TSNAXIP1: variants seen among roughly 807,000 people sequenced by gnomAD.
The protein encoded by TSNAXIP1 is translin associated factor X interacting protein 1.
Under a neutral mutation model 84.8 loss-of-function variants are expected in TSNAXIP1, and 89 were observed. That is an observed-to-expected ratio of 1.05 (90% confidence interval 0.88 to 1.25). TSNAXIP1 has a LOEUF of 1.25. Among genes scored for constraint, TSNAXIP1 ranks in the 50% most tolerant of loss-of-function variants. The pLI, the probability that TSNAXIP1 is intolerant of heterozygous loss-of-function variation, is 0.00. For synonymous variants in TSNAXIP1, 347 were observed against 335.2 expected (o/e 1.04, Z -0.39); for missense variants, 874 against 887.6 (o/e 0.98, Z 0.20).
At chr16:67,811,436 CTTT>C (rs1190285857) in intron 1 of TSNAXIP1, among the ~76,000 whole-genome samples, 3 of 101,978 alleles carry the variant, frequency 2.9e-5, no homozygotes, top group African/African-American at 8.8e-5. Flanking sequence ...ATTGATTAGT[CTTT>C]TTTTTTTTTT....
rs3833058 is a variant in TSNAXIP1, at chr16:67,807,053, C to CGGGGGG, written c.-95_-90dup. ...CGCATCCCTGACTCCGCCCCCGCCG[C>CGGGGGG]GGGGGGGCCTCTGGGGCCTGGTCGC... is the stretch of plus-strand genomic sequence containing the variant. On this transcript the variant is annotated 5_prime_UTR_variant, in exon 1 of 16. Transcript: ENST00000561639. The CGGGGGG allele has an allele frequency of 5.3e-5, 79 of 1,487,082 alleles. No individual in the cohort carries two copies. In the African/African-American group the frequency reaches 1.0e-3, roughly 19 times the overall value. 92.1% of individuals were successfully genotyped at this position (1,487,082 alleles called of 1,614,324 possible).
In TSNAXIP1 at chr16:67,819,815, ATTTTTT is replaced by A. The variant is rs1162375778; in HGVS notation, c.148-1007_148-1002del. On this transcript the variant is annotated intron_variant, in intron 2 of 15. Coordinates refer to ENST00000561639, the MANE Select transcript of TSNAXIP1 (RefSeq NM_001288990.3). ...AGCACATGCCACCACACCTGGCTAA[ATTTTTT>A]TTTTTTTTTTTTTTTTGAGACTGAG... 6.8e-5 allele frequency among the ~76,000 whole-genome samples: 7 copies of A among 102,638 alleles called. No individual in the cohort carries two copies. The South Asian group carries it at 1.3e-3, about 19-fold the overall frequency. The allele number at this position is 102,638 out of a possible 152,430, so 67.3% of individuals were successfully genotyped here. A position where few individuals can be genotyped will look rare whatever the true frequency, so the allele number is the denominator to read the frequency against.
intron 5 of TSNAXIP1, 32 bp downstream of exon 5, chr16:67,823,751 C>A: frequency 6.4e-7 from 1 of 1,572,396 alleles, no homozygotes; most frequent in Non-Finnish European, 8.7e-7. Context: ...GGCGTAGTGG[C>A]TCACGCCTGT....
intron 8 of TSNAXIP1, 26 bp from the exon 9 acceptor site, chr16:67,825,891 G>A (rs2057402314): frequency 1.2e-6 from 2 of 1,613,904 alleles, no homozygotes; most frequent in South Asian, 1.1e-5. Flanking sequence ...CAGGTGGGGG[G>A]CCAGGGCCAA....
intron 2 of TSNAXIP1, among the ~76,000 whole-genome samples, chr16:67,815,516 G>A (rs2056467386): frequency 6.6e-6 from 1 of 151,822 alleles, no homozygotes; most frequent in African/African-American, 2.4e-5. Flanking sequence ...TTTTGGCAGG[G>A]GGGGACAGAG....
chr16:67,817,677 A>C (rs1345737516), intron 2 of TSNAXIP1, among the ~76,000 whole-genome samples: 1 of 146,360 alleles, frequency 6.8e-6, no homozygotes, highest in Non-Finnish European at 1.5e-5. Flanking sequence ...GGATCACCTG[A>C]GGTCAGGGGT....
chr16:67,816,832 TAGC>T (rs2056593311), intron 2 of TSNAXIP1, among the ~76,000 whole-genome samples: 1 of 151,930 alleles, frequency 6.6e-6, no homozygotes, highest in Non-Finnish European at 1.5e-5. Flanking sequence ...GTTAATAACC[TAGC>T]CGAGACCCGG....
chr16:67,825,366 G>A, intron 7 of TSNAXIP1, 94 bp downstream of exon 7: 3 of 1,528,978 alleles, frequency 2.0e-6, no homozygotes, highest in Non-Finnish European at 2.7e-6. Flanking sequence ...GCATTCCTAA[G>A]ACCTGCTCAT....
rs2057535203 is a variant in TSNAXIP1 at position 67,827,301 on chromosome 16, C to A, written c.1717C>A (p.Leu573Met). 6.2e-7 allele frequency: 1 copy of A among 1,614,104 alleles called. No individual in the cohort carries two copies. The highest frequency in any genetic ancestry group is 8.5e-7 in the Non-Finnish European group (1 of 1,180,046). Residue 573 changes from leucine to methionine, a missense_variant, in exon 14 of 16, where the codon CTG (leucine) becomes ATG (methionine). By Grantham distance (15) the Leu-to-Met change is conservative. Coordinates refer to ENST00000561639, the MANE Select transcript of TSNAXIP1 (RefSeq NM_001288990.3). ...CAAGACAGAAGAGCAAATCCAGGAG[C>A]TGATGGAGGCAGGGGGCTGGCATCC... ...PLKTEEQIQE[L>M]MEAGGWHPSS...
At position 67,827,350 on chromosome 16, in the gene TSNAXIP1, T is replaced by C; in HGVS notation, c.1766T>C (p.Leu589Pro). ...CCCAGCAGCAGCAATGCAGACTTGC[T>C]CAACTACCGCTCACTGTTTATGGAG... is the stretch of plus-strand genomic sequence containing the variant. ...WHPSSSNADL[L>P]NYRSLFMEDE... Residue 589 changes from leucine (L) to proline (P), a missense_variant, in exon 14 of 16, where the codon CTC (leucine) becomes CCC (proline). Coordinates refer to ENST00000561639, the MANE Select transcript of TSNAXIP1 (RefSeq NM_001288990.3). 1 of 1,614,168 alleles carries C rather than the reference T, an allele frequency of 6.2e-7. No homozygotes were observed. The highest frequency in any genetic ancestry group is 1.1e-5 in the South Asian group (1 of 91,082).
chr16:67,824,862 C>T, intron 6 of TSNAXIP1, 83 bp downstream of exon 6: 1 of 1,437,792 alleles, frequency 7.0e-7, no homozygotes, highest in Non-Finnish European at 9.5e-7. Flanking sequence ...CCCTGCTCTG[C>T]CTTTCTACGG....
intron 1 of TSNAXIP1, among the ~76,000 whole-genome samples, chr16:67,808,351 G>A (rs1036619190): frequency 6.6e-6 from 1 of 151,988 alleles, no homozygotes; most frequent in Non-Finnish European, 1.5e-5. Flanking sequence ...CCGAGGCGGG[G>A]GGATCACTAG....
At chr16:67,825,556 G>A (rs773081891) in intron 7 of TSNAXIP1, 111 bp from the exon 8 acceptor site, 94 of 1,415,870 alleles carry the variant, frequency 6.6e-5, no homozygotes, top group Non-Finnish European at 7.5e-5. Context: ...CCCTAGGCTG[G>A]TAGTGCTGTG....
At chr16:67,814,506 G>GA in intron 2 of TSNAXIP1, 105 bp downstream of exon 2, 2 of 914,986 alleles carry the variant, frequency 2.2e-6, no homozygotes, top group Non-Finnish European at 3.4e-6. Context: ...ATGCCCACCT[G>GA]AAACATGCCC....
chr16:67,813,497 G>A (rs2056279093), intron 1 of TSNAXIP1, among the ~76,000 whole-genome samples: 1 of 151,356 alleles, frequency 6.6e-6, no homozygotes, highest in African/African-American at 2.4e-5. Flanking sequence ...CATTTTGGGA[G>A]GCCAAGGCAG....
At position 67,820,889 on chromosome 16, in the gene TSNAXIP1, C is replaced by T. The variant is rs1309238091; in HGVS notation, c.198C>T (p.Thr66=). ...GGHLSPWPTY[T]SGQTILQNRK... ...ACCTGTCCCCATGGCCCACATACAC[C>T]AGTGGCCAGACCATTTTGCAAAATC... The change falls in exon 3 of 16, where the codon ACC becomes ACT. Residue 66 remains threonine, a synonymous_variant. Coordinates refer to ENST00000561639, the MANE Select transcript of TSNAXIP1 (RefSeq NM_001288990.3). 6.2e-7 allele frequency: 1 copy of T among 1,602,316 alleles called. No individual in the cohort carries two copies. The highest frequency in any genetic ancestry group is 8.5e-7 in the Non-Finnish European group (1 of 1,174,286).
At chr16:67,815,186 C>T (rs1414527021) in intron 2 of TSNAXIP1, among the ~76,000 whole-genome samples, 1 of 151,786 alleles carries the variant, frequency 6.6e-6, no homozygotes, top group Admixed American at 6.6e-5. Context: ...CATGGTGGTG[C>T]ATCTGTAGTC....
At position 67,807,046 on chromosome 16, in the gene TSNAXIP1, C is replaced by T; in HGVS notation, c.-104C>T. On this transcript the variant is annotated 5_prime_UTR_variant, in exon 1 of 16. Transcript: ENST00000561639. ...GGCGTGGCGCATCCCTGACTCCGCC[C>T]CCGCCGCGGGGGGGCCTCTGGGGCC... is the stretch of plus-strand genomic sequence containing the variant. The T allele has an allele frequency of 6.7e-7, 1 of 1,482,268 alleles. No individual in the cohort carries two copies. Among genetic ancestry groups the T allele is most frequent in the Non-Finnish European group, 8.9e-7 (1 of 1,120,040 alleles). The allele number at this position is 1,482,268 out of a possible 1,614,324, so 91.8% of individuals were successfully genotyped here.
At position 67,827,949 on chromosome 16, in the gene TSNAXIP1, G is replaced by A. The variant is rs773929271; in HGVS notation, c.2095G>A (p.Asp699Asn). Residue 699 changes from aspartate (D) to asparagine (N), a missense_variant, in exon 16 of 16, where the codon GAC becomes AAC. Physicochemically the swap from Asp to Asn is conservative, Grantham distance 23 (BLOSUM62 1). Transcript: ENST00000561639. ...TGCCCTGGAGCGGCTTCAGGTGATT[G>A]ACATCAGGCGTGTGGGACCTCGAGA... The part of the protein sequence containing the change: ...QTALERLQVI[D>N]IRRVGPREPE... 3.3e-5 allele frequency: 54 copies of A among 1,613,640 alleles called. No homozygotes were observed. Among genetic ancestry groups the A allele is most frequent in the East Asian group, 2.9e-4 (13 of 44,892 alleles).
Sources: gnomAD v4.1 joint callset for allele counts (sites outside exome capture counted in the v4.1 genomes callset) on GRCh38, gnomAD v4.1.1 for gene constraint, MANE v1.5 for transcripts, NCBI Gene and HGNC (gene_info 2026-07-23, HGNC 2026-07-21) for gene names.